The following FAM135A variants were observed in gnomAD, a reference collection of about 807,000 sequenced individuals.
FAM135A encodes the protein family with sequence similarity 135 member A.
A neutral mutation model predicts 146.8 loss-of-function variants in FAM135A; 79 were observed. The ratio of observed to expected loss-of-function variants is 0.54; its 90% CI spans 0.45 to 0.65. FAM135A has a LOEUF of 0.65. Among genes scored for constraint, FAM135A ranks in the 30% least tolerant of loss-of-function variants. The pLI is 0.00. For synonymous variants in FAM135A, 562 were observed against 603.6 expected (o/e 0.93, Z 1.01); for missense variants, 1,623 against 1,758.2 (o/e 0.92, Z 1.38).
In FAM135A at chr6:70,413,692, C is replaced by G. The variant is rs1255950526; in HGVS notation, c.-230C>G. 1.8e-6 allele frequency: 1 copy of G among 555,878 alleles called. No homozygotes were observed. The highest frequency in any genetic ancestry group is 2.0e-5 in the African/African-American group (1 of 48,990). 34.4% of individuals were successfully genotyped at this position (555,878 alleles called of 1,614,324 possible). On this transcript the variant is annotated 5_prime_UTR_variant, in exon 1 of 22. Transcript: ENST00000418814. ...TCGACAGGCGGGGGAAGAGGCCGAG[C>G]CGGGCGAGAGGTAACCCCCTTACTG...
chr6:70,461,429 A>T (rs547518806), intron 5 of FAM135A, among the ~76,000 whole-genome samples: 1 of 152,204 alleles, frequency 6.6e-6, no homozygotes, highest in Non-Finnish European at 1.5e-5. Context: ...GAAAACAGTC[A>T]TGTTTTGACT....
chr6:70,553,873 G>T (rs1800319751), intron 20 of FAM135A, among the ~76,000 whole-genome samples: 1 of 152,142 alleles, frequency 6.6e-6, no homozygotes, highest in Non-Finnish European at 1.5e-5. Flanking sequence ...TACTACATAT[G>T]AAGCAAGCCA....
chr6:70,414,752 T>G (rs1362667785), intron 1 of FAM135A, among the ~76,000 whole-genome samples: 1 of 152,218 alleles, frequency 6.6e-6, no homozygotes, highest in Non-Finnish European at 1.5e-5. Flanking sequence ...TCGGTTACAC[T>G]TACTGATTAA....
intron 20 of FAM135A, among the ~76,000 whole-genome samples, chr6:70,549,906 A>C (rs1365755196): frequency 6.6e-6 from 1 of 152,154 alleles, no homozygotes; most frequent in East Asian, 1.9e-4. Flanking sequence ...CTGCTTTTTC[A>C]ACTCTTTATG....
intron 11 of FAM135A, among the ~76,000 whole-genome samples, chr6:70,496,970 G>C (rs1400705770): frequency 6.6e-6 from 1 of 152,074 alleles, no homozygotes; most frequent in African/African-American, 2.4e-5. Flanking sequence ...TTTTGCTTAG[G>C]ATTGTCTTGG....
At chr6:70,514,404 C>A (rs561632599) in intron 12 of FAM135A, among the ~76,000 whole-genome samples, 2 of 152,232 alleles carry the variant, frequency 1.3e-5, no homozygotes, top group East Asian at 3.9e-4. Context: ...TGACCAGCTT[C>A]TTTCAGTCAT....
At chr6:70,529,009 A>T (rs1162771749) in intron 16 of FAM135A, among the ~76,000 whole-genome samples, 1 of 151,082 alleles carries the variant, frequency 6.6e-6, no homozygotes, top group Non-Finnish European at 1.5e-5. Context: ...CCTGCAAAGG[A>T]CCTGAGCTCA....
At chr6:70,460,209 C>T (rs1176051817) in intron 5 of FAM135A, among the ~76,000 whole-genome samples, 2 of 152,160 alleles carry the variant, frequency 1.3e-5, no homozygotes, top group Non-Finnish European at 2.9e-5. Context: ...ACCATTTCCT[C>T]GTTCCCTCTC....
chr6:70,494,265 G>A (rs566983114), intron 11 of FAM135A, among the ~76,000 whole-genome samples: 13 of 151,704 alleles, frequency 8.6e-5, no homozygotes, highest in Non-Finnish European at 1.6e-4. Context: ...AAGTAAAGCA[G>A]CATTTTGCAA....
chr6:70,532,277 A>G (rs1208364559), intron 16 of FAM135A, among the ~76,000 whole-genome samples: 1 of 152,148 alleles, frequency 6.6e-6, no homozygotes, highest in Non-Finnish European at 1.5e-5. Flanking sequence ...AAATTTTTGA[A>G]ACCCATACGT....
intron 11 of FAM135A, among the ~76,000 whole-genome samples, chr6:70,498,115 T>C (rs531760717): frequency 6.6e-6 from 1 of 152,318 alleles, no homozygotes; most frequent in Admixed American, 6.5e-5. Flanking sequence ...GGGCTTTTTT[T>C]GGTTGGTAGG....
intron 16 of FAM135A, among the ~76,000 whole-genome samples, chr6:70,529,270 G>GT (rs923370305): frequency 8.6e-5 from 13 of 150,564 alleles, no homozygotes; most frequent in African/African-American, 1.2e-4. Flanking sequence ...TTACTCAACA[G>GT]TTTTTTTTTA....
chr6:70,540,454 A>T (rs915413434), intron 20 of FAM135A, among the ~76,000 whole-genome samples: 1 of 150,532 alleles, frequency 6.6e-6, no homozygotes, highest in African/African-American at 2.4e-5. Context: ...CCTCCTGAGT[A>T]GCTGGGACTA....
chr6:70,493,922 G>A (rs894099354), intron 11 of FAM135A, among the ~76,000 whole-genome samples: 2 of 151,758 alleles, frequency 1.3e-5, no homozygotes, highest in Non-Finnish European at 2.9e-5. Flanking sequence ...GCATGGTGGC[G>A]GGCACCTGCA....
Position 70,536,512 on chromosome 6 carries a change from T to G in FAM135A, c.4117+101T>G, listed in dbSNP as rs528872613. ...ATTTTAGAACCAGTTTGTCACATACTGGAAATTTCGTGAAATAAAAAATGT... is the reference window on the plus strand; with the variant it reads ...ATTTTAGAACCAGTTTGTCACATACGGGAAATTTCGTGAAATAAAAAATGT... On this transcript the variant is annotated intron_variant, in intron 19 of 21. Transcript: ENST00000418814. 43 of 966,720 alleles carry G rather than the reference T, an allele frequency of 4.4e-5. No individual in the cohort carries two copies. The African/African-American group carries it at 4.6e-4, about 10-fold the overall frequency. The allele number at this position is 966,720 out of a possible 1,614,324, so 59.9% of individuals were successfully genotyped here.
intron 11 of FAM135A, among the ~76,000 whole-genome samples, chr6:70,501,263 C>A (rs71556997): frequency 0.14 from 21,023 of 152,082 alleles, 1,852 homozygotes; most frequent in Middle Eastern, 0.22. Context: ...GAGTTCTGCC[C>A]AGTCTAAACC....
intron 20 of FAM135A, among the ~76,000 whole-genome samples, chr6:70,538,714 T>C (rs1797227305): frequency 6.6e-6 from 1 of 151,388 alleles, no homozygotes; most frequent in South Asian, 2.1e-4. Context: ...TGTTTCTGCA[T>C]GTCCTATCCC....
At chr6:70,545,003 A>C (rs1169968719) in intron 20 of FAM135A, among the ~76,000 whole-genome samples, 1 of 151,512 alleles carries the variant, frequency 6.6e-6, no homozygotes, top group Non-Finnish European at 1.5e-5. Context: ...GTGAGCCAAG[A>C]TCGCACCATT....
chr6:70,556,246 C>G (rs936400293), intron 20 of FAM135A, among the ~76,000 whole-genome samples: 11 of 151,594 alleles, frequency 7.3e-5, no homozygotes, highest in African/African-American at 2.7e-4. Flanking sequence ...GAGACTCTAT[C>G]TCAAAAAATA....
Sources: allele counts gnomAD v4.1 joint callset (sites outside exome capture counted in the v4.1 genomes callset), GRCh38; gene constraint gnomAD v4.1.1; transcripts MANE v1.5; gene names NCBI Gene and HGNC (gene_info 2026-07-23, HGNC 2026-07-21).